Variants in REPS1 observed in about 807,000 individuals in gnomAD.
REPS1 encodes the protein ralBP1-associated Eps domain-containing protein 1.
In REPS1, 39 loss-of-function variants were observed where a neutral mutation model predicts 100.9. The ratio of observed to expected loss-of-function variants is 0.39; its 90% confidence interval spans 0.30 to 0.50. REPS1 has a LOEUF of 0.50. REPS1 is among the 20% of genes least tolerant of loss of function. REPS1 has a pLI of 0.86. For synonymous variants in REPS1, 324 were observed against 340.3 expected (o/e 0.95, Z 0.53); for missense variants, 821 against 968.5 (o/e 0.85, Z 2.02).
At chr6:138,982,515 A>C (rs1354631864) in intron 1 of REPS1, among the ~76,000 whole-genome samples, 1 of 152,230 alleles carries the variant, frequency 6.6e-6, no homozygotes, top group Non-Finnish European at 1.5e-5. Context: ...AAACATTCTG[A>C]TTAGTGTGGT....
intron 17 of REPS1, among the ~76,000 whole-genome samples, chr6:138,909,921 T>C (rs193252637): frequency 2.0e-5 from 3 of 152,322 alleles, no homozygotes; most frequent in African/African-American, 7.2e-5. Flanking sequence ...GCTGTTTTTA[T>C]AACTATTGGG....
At chr6:138,955,607 T>C (rs944512729) in intron 1 of REPS1, among the ~76,000 whole-genome samples, 17 of 151,988 alleles carry the variant, frequency 1.1e-4, no homozygotes, top group African/African-American at 4.1e-4. Context: ...TTAACTTTAC[T>C]GGCTTTACCA....
intron 1 of REPS1, among the ~76,000 whole-genome samples, chr6:138,959,344 C>G (rs940513863): frequency 2.0e-5 from 3 of 152,042 alleles, no homozygotes; most frequent in Admixed American, 2.0e-4. Flanking sequence ...CATGTAAGAG[C>G]CTGAATCCAT....
chr6:138,955,692 C>T (rs1265111498), intron 1 of REPS1, among the ~76,000 whole-genome samples: 5 of 151,924 alleles, frequency 3.3e-5, no homozygotes, highest in Non-Finnish European at 7.4e-5. Flanking sequence ...ACCAAAAAGC[C>T]ACTAACTTCT....
At chr6:138,967,601 A>G (rs932477917) in intron 1 of REPS1, among the ~76,000 whole-genome samples, 1 of 152,152 alleles carries the variant, frequency 6.6e-6, no homozygotes, top group African/African-American at 2.4e-5. Context: ...GTTTTCCTGA[A>G]GACTTTCTTA....
intron 17 of REPS1, 41 bp from the exon 18 acceptor site, chr6:138,908,857 G>C: frequency 6.3e-7 from 1 of 1,588,988 alleles, no homozygotes; most frequent in African/African-American, 1.4e-5. Context: ...CATTTTTGAA[G>C]ACATTCATAG....
chr6:138,917,044 C>T (rs1333255451), intron 13 of REPS1, among the ~76,000 whole-genome samples: 2 of 152,226 alleles, frequency 1.3e-5, no homozygotes, highest in Non-Finnish European at 2.9e-5. Context: ...GAGAAAGATG[C>T]TTCTGTCCTG....
chr6:138,952,407 T>C (rs527659977), intron 1 of REPS1, among the ~76,000 whole-genome samples: 7 of 152,098 alleles, frequency 4.6e-5, no homozygotes, highest in South Asian at 4.2e-4. Context: ...TTTCTTTTTT[T>C]TTTTCCTCTG....
chr6:138,957,221 T>C (rs556913810), intron 1 of REPS1, among the ~76,000 whole-genome samples: 2 of 152,142 alleles, frequency 1.3e-5, no homozygotes, highest in East Asian at 3.9e-4. Context: ...CCTAAACACA[T>C]TACTGTGAAC....
rs1417821687 is a variant in REPS1, at chr6:138,904,591, T to C, written c.*473A>G. 1.3e-5 allele frequency: 2 copies of C among 152,474 alleles called. No individual in the cohort carries two copies. The highest frequency in any genetic ancestry group is 2.9e-5 in the Non-Finnish European group (2 of 68,218). 9.4% of individuals were successfully genotyped at this position (152,474 alleles called of 1,614,324 possible). A position where few individuals can be genotyped will look rare whatever the true frequency, so the allele number is the denominator to read the frequency against. Reference sequence around the variant, plus strand: ...CGGCTGCAGAGAGTAAATTAGCTTATGGTGAAAACCACCTTATCCAATATA... The same window carrying C: ...CGGCTGCAGAGAGTAAATTAGCTTACGGTGAAAACCACCTTATCCAATATA... On this transcript the variant is annotated 3_prime_UTR_variant, in exon 20 of 20. Coordinates refer to ENST00000450536, the MANE Select transcript of REPS1 (RefSeq NM_001286611.2).
At chr6:138,969,509 A>C (rs1784212797) in intron 1 of REPS1, among the ~76,000 whole-genome samples, 1 of 147,930 alleles carries the variant, frequency 6.8e-6, no homozygotes, top group Non-Finnish European at 1.5e-5. Flanking sequence ...GGCTGGTCTC[A>C]AACTCCTGGG....
At chr6:138,925,821 T>C (rs1247829635) in intron 10 of REPS1, among the ~76,000 whole-genome samples, 2 of 152,202 alleles carry the variant, frequency 1.3e-5, no homozygotes, top group Admixed American at 1.3e-4. Flanking sequence ...TAAATCAGGA[T>C]ATGAACTTTG....
chr6:138,961,778 A>G (rs536982252), intron 1 of REPS1, among the ~76,000 whole-genome samples: 5 of 152,326 alleles, frequency 3.3e-5, no homozygotes, highest in African/African-American at 7.2e-5. Context: ...CAGTGATAGA[A>G]GGAATTCTTG....
Position 138,911,323 on chromosome 6 carries a change from C to T in REPS1, c.2020G>A (p.Asp674Asn). ...PASSLRVAKT[D>N]SKTEEKTAAS... is the part of the protein sequence containing the mutation. ...GCTGTCTTTTCTTCAGTTTTACTAT[C>T]TGTTTTGGCAACTCGAAGAGAACTT... is the stretch of plus-strand genomic sequence containing the variant. The change falls in exon 17 of 20, where the codon GAT becomes AAT. Residue 674 changes from aspartate to asparagine, a missense_variant. Around this residue, in one of 3 missense-constraint regions of REPS1, gnomAD observed 757 missense variants for 866.4 expected, o/e 0.87. Transcript: ENST00000450536. 1.2e-6 allele frequency: 2 copies of T among 1,613,806 alleles called. No individual in the cohort carries two copies. The highest frequency in any genetic ancestry group is 8.5e-7 in the Non-Finnish European group (1 of 1,179,792).
intron 7 of REPS1, among the ~76,000 whole-genome samples, chr6:138,942,831 T>C (rs1782353215): frequency 6.6e-6 from 1 of 152,310 alleles, no homozygotes; most frequent in African/African-American, 2.4e-5. Context: ...CTTGGCTCAC[T>C]GCAACCTCCA....
At position 138,908,847 on chromosome 6, in the gene REPS1, C is replaced by T. The variant is rs754005858; in HGVS notation, c.2068-31G>A. 1.9e-6 allele frequency: 3 copies of T among 1,604,606 alleles called. No homozygotes were observed. The Admixed American group carries it at 5.2e-5, about 28-fold the overall frequency. On this transcript the variant is annotated intron_variant, in intron 17 of 19. Transcript: ENST00000450536. The stretch of plus-strand genomic sequence containing the variant: ...AGACAAGAATTCCATTAATAATAAG[C>T]ATTTTTGAAGACATTCATAGTTAGC...
rs1462907407 is a variant in REPS1 at position 138,945,267 on chromosome 6, G to A, written c.580C>T (p.Leu194Phe). Residue 194 changes from leucine (L) to phenylalanine (F), a missense_variant, in exon 4 of 20, where the codon CTC (leucine) becomes TTC (phenylalanine). Transcript: ENST00000450536. ...HPSGGNSERPLAGPGPFWSPF... is the reference protein window; with the variant it reads ...HPSGGNSERPFAGPGPFWSPF... ...GACCAAAATGGCCCAGGTCCCGCGAGAGGCCTCTCACTATTCCCACCGCTG... is the reference window on the plus strand; with the variant it reads ...GACCAAAATGGCCCAGGTCCCGCGAAAGGCCTCTCACTATTCCCACCGCTG... 3 of 1,611,334 alleles carry A rather than the reference G, an allele frequency of 1.9e-6. No individual in the cohort carries two copies. The highest frequency in any genetic ancestry group is 2.5e-6 in the Non-Finnish European group (3 of 1,179,530).
intron 8 of REPS1, among the ~76,000 whole-genome samples, chr6:138,932,152 G>A (rs1393874121): frequency 6.6e-6 from 1 of 152,128 alleles, no homozygotes; most frequent in Non-Finnish European, 1.5e-5. Context: ...CAGATTCTGG[G>A]AATATTTCTG....
At chr6:138,960,922 C>T (rs894183074) in intron 1 of REPS1, among the ~76,000 whole-genome samples, 10 of 152,094 alleles carry the variant, frequency 6.6e-5, no homozygotes, top group Admixed American at 5.9e-4. Flanking sequence ...GATAAAAGTT[C>T]TTTAAAACTA....
Sources: allele counts gnomAD v4.1 joint callset (sites outside exome capture counted in the v4.1 genomes callset), GRCh38; gene constraint gnomAD v4.1.1; regional missense constraint gnomAD v4.1.1; transcripts MANE v1.5; gene names NCBI Gene and HGNC (gene_info 2026-07-23, HGNC 2026-07-21).